Variants in RELN observed in about 807,000 individuals in gnomAD.
The protein encoded by RELN is reelin.
In RELN, 108 loss-of-function variants were observed where a neutral mutation model predicts 427.6. That is an observed-to-expected ratio of 0.25 (90% CI 0.22 to 0.30). The LOEUF is 0.30. RELN is among the 10% of genes least tolerant of loss of function. RELN has a pLI of 1.00. For missense variants in RELN, 3,715 were observed against 4,302.8 expected (o/e 0.86, Z 3.82); for synonymous variants, 1,524 against 1,513.4 (o/e 1.01, Z -0.16).
At chr7:103,702,134 T>A (rs1834106194) in intron 8 of RELN, among the ~76,000 whole-genome samples, 1 of 152,168 alleles carries the variant, frequency 6.6e-6, no homozygotes, top group South Asian at 2.1e-4. Context: ...GCAACCCTGA[T>A]CTCAAATGGA....
At chr7:103,666,158 G>GA (rs1349922740) in intron 11 of RELN, among the ~76,000 whole-genome samples, 1 of 151,690 alleles carries the variant, frequency 6.6e-6, no homozygotes, top group Non-Finnish European at 1.5e-5. Context: ...TTAACGTCTT[G>GA]GGCTCAAGCG....
Position 103,833,710 on chromosome 7 carries a change from A to T in RELN, c.338-38T>A, listed in dbSNP as rs760615934. The T allele has an allele frequency of 3.1e-6, 5 of 1,591,166 alleles. No individual in the cohort carries two copies. The Admixed American group carries it at 8.6e-5, about 27-fold the overall frequency. ...AAGGAGAGTTGTTACAAAGACAACAAAACAAAGATCTTCCTATCATGGCAT... is the reference window on the plus strand; with the variant it reads ...AAGGAGAGTTGTTACAAAGACAACATAACAAAGATCTTCCTATCATGGCAT... On this transcript the variant is annotated intron_variant, in intron 2 of 64. Coordinates refer to ENST00000428762, the MANE Select transcript of RELN (RefSeq NM_005045.4).
intron 7 of RELN, among the ~76,000 whole-genome samples, chr7:103,724,449 G>T (rs1354818890): frequency 6.6e-6 from 1 of 152,136 alleles, no homozygotes; most frequent in Non-Finnish European, 1.5e-5. Flanking sequence ...TCATGACTTG[G>T]AGAGGTGACT....
At chr7:103,807,302 A>G (rs913210830) in intron 3 of RELN, among the ~76,000 whole-genome samples, 10 of 152,174 alleles carry the variant, frequency 6.6e-5, no homozygotes, top group African/African-American at 2.4e-4. Context: ...CTAACCTAAC[A>G]CACTAAAACA....
rs555425719 is a variant in RELN, at chr7:103,728,197, T to C, written c.667A>G (p.Asn223Asp). Reference protein sequence around the residue: ...QLNPNIWVECNNCETGEQCGA... With the variant: ...QLNPNIWVECDNCETGEQCGA... ...CACTGTTCTCCAGTCTCACAGTTGT[T>C]ACATTCAACCCTGCAGGAAAACAGA... Residue 223 changes from asparagine to aspartate, a missense_variant, in exon 7 of 65, where the codon AAC becomes GAC. Physicochemically the swap from Asn to Asp is conservative, Grantham distance 23. Around this residue, in one of 4 missense-constraint regions of RELN, gnomAD observed 2,208 missense variants for 2,361.7 expected, o/e 0.93. Transcript: ENST00000428762. 20 of 1,613,788 alleles carry C rather than the reference T, an allele frequency of 1.2e-5. No homozygotes were observed. The South Asian group carries it at 2.1e-4, about 17-fold the overall frequency.
chr7:103,574,266 T>A lies in RELN; in HGVS notation c.4337A>T (p.Asn1446Ile), dbSNP rs115577014. The part of the protein sequence containing the change: ...AQGTCVSNVP[N>I]HNEMFDRFEG... ...AAACCTATCGAACATCTCATTGTGA[T>A]TGGGGACATTTGACACACAGGTTCC... is the stretch of plus-strand genomic sequence containing the variant. The change falls in exon 30 of 65, where the codon AAT (asparagine) becomes ATT (isoleucine). Residue 1446 changes from asparagine (N) to isoleucine (I), a missense_variant. Around this residue, in one of 4 missense-constraint regions of RELN, gnomAD observed 2,208 missense variants for 2,361.7 expected, o/e 0.93. Transcript: ENST00000428762. 6.2e-7 allele frequency: 1 copy of A among 1,614,156 alleles called. No individual in the cohort carries two copies.
chr7:103,681,774 A>G (rs1454804436), intron 11 of RELN, among the ~76,000 whole-genome samples: 1 of 152,208 alleles, frequency 6.6e-6, no homozygotes, highest in Non-Finnish European at 1.5e-5. Flanking sequence ...CCAGGAAGAC[A>G]AACAAAAATC....
rs1017350491 is a variant in RELN at position 103,522,057 on chromosome 7, C to T, written c.7633G>A (p.Ala2545Thr). The T allele has an allele frequency of 3.1e-6, 5 of 1,614,080 alleles. No homozygotes were observed. Among genetic ancestry groups the T allele is most frequent in the South Asian group, 1.1e-5 (1 of 91,086 alleles). Residue 2545 changes from alanine to threonine, a missense_variant, in exon 48 of 65, where the codon GCC (alanine) becomes ACC (threonine). Coordinates refer to ENST00000428762, the MANE Select transcript of RELN (RefSeq NM_005045.4). ...TGGAGAGCCATTCCCGACGCCACGG[C>T]TCCACACACTGTACTCAATTTCCCT... ...NGGKLSTVCG[A>T]VASGMALHFS...
At chr7:103,505,429 G>A (rs369058263) in intron 51 of RELN, among the ~76,000 whole-genome samples, 1 of 152,180 alleles carries the variant, frequency 6.6e-6, no homozygotes, top group East Asian at 1.9e-4. Context: ...GGCAAACAGG[G>A]TCTGGAGTGG....
chr7:103,481,772 C>T (rs910867487), intron 63 of RELN, among the ~76,000 whole-genome samples: 2 of 152,190 alleles, frequency 1.3e-5, no homozygotes, highest in African/African-American at 4.8e-5. Context: ...TTATTTTATT[C>T]TGCTGGAATA....
chr7:103,561,822 C>T lies in RELN; in HGVS notation c.5342G>A (p.Gly1781Glu). 1 of 1,614,004 alleles carries T rather than the reference C, an allele frequency of 6.2e-7. No individual in the cohort carries two copies. The highest frequency in any genetic ancestry group is 8.5e-7 in the Non-Finnish European group (1 of 1,179,962). Residue 1781 changes from glycine (G) to glutamate (E), a missense_variant, in exon 35 of 65, where the codon GGA (glycine) becomes GAA (glutamate). Gly to Glu is a moderately conservative substitution (Grantham distance 98). Transcript: ENST00000428762. ...MCSGRGICDA[G>E]RCVCDRGFGG... ...AGTTTTATTAACTTACACACAGCGT[C>T]CAGCATCACAAATCCCTCGTCCTGA... is the stretch of plus-strand genomic sequence containing the variant.
chr7:103,679,996 T>C (rs1433930309), intron 11 of RELN, among the ~76,000 whole-genome samples: 1 of 152,194 alleles, frequency 6.6e-6, no homozygotes, highest in Non-Finnish European at 1.5e-5. Context: ...AAGGCATTTC[T>C]TGTGTCCTTT....
chr7:103,479,118 CAT>C (rs909004965), intron 63 of RELN, among the ~76,000 whole-genome samples: 2 of 152,160 alleles, frequency 1.3e-5, no homozygotes, highest in Non-Finnish European at 2.9e-5. Context: ...TCATTATACA[CAT>C]GACAGGTGTG....
chr7:103,706,796 C>T (rs1834211571), intron 8 of RELN, among the ~76,000 whole-genome samples: 1 of 152,042 alleles, frequency 6.6e-6, no homozygotes, highest in Admixed American at 6.5e-5. Flanking sequence ...AACCTTTAAC[C>T]CCCCTGCTAG....
chr7:103,644,751 T>C (rs2117372702), intron 16 of RELN, among the ~76,000 whole-genome samples: 1 of 151,870 alleles, frequency 6.6e-6, no homozygotes, highest in South Asian at 2.1e-4. Context: ...TTGCTAAAGA[T>C]TTAGACATCC....
chr7:103,734,023 A>G lies in RELN; in HGVS notation c.657-5816T>C, dbSNP rs994063674. 2.6e-5 allele frequency among the ~76,000 whole-genome samples: 4 copies of G among 152,166 alleles called. No individual in the cohort carries two copies. The South Asian group carries it at 6.2e-4, about 24-fold the overall frequency. On this transcript the variant is annotated intron_variant, in intron 6 of 64. Transcript: ENST00000428762. ...TGGAAAAGTTCTATGAGTTCCTAAG[A>G]ACTAGGATTTCATTTGCGGGATAAT...
chr7:103,881,159 T>C (rs184835819), intron 2 of RELN, among the ~76,000 whole-genome samples: 1 of 152,310 alleles, frequency 6.6e-6, no homozygotes, highest in East Asian at 1.9e-4. Flanking sequence ...GCTCTATCCA[T>C]TGTAATGTGG....
intron 2 of RELN, among the ~76,000 whole-genome samples, chr7:103,835,826 T>C (rs1793386426): frequency 6.6e-6 from 1 of 152,182 alleles, no homozygotes; most frequent in South Asian, 2.1e-4. Flanking sequence ...TGACAGCACC[T>C]AGTACCCTAT....
At chr7:103,514,381 C>T (rs1192397164) in intron 50 of RELN, among the ~76,000 whole-genome samples, 2 of 151,966 alleles carry the variant, frequency 1.3e-5, no homozygotes, top group East Asian at 1.9e-4. Flanking sequence ...GAGGATAGGC[C>T]GGGCATGGTG....
Sources: allele counts gnomAD v4.1 joint callset (sites outside exome capture counted in the v4.1 genomes callset), GRCh38; gene constraint gnomAD v4.1.1; regional missense constraint gnomAD v4.1.1; transcripts MANE v1.5; gene names NCBI Gene and HGNC (gene_info 2026-07-23, HGNC 2026-07-21).